Variants in LPGAT1 observed in about 807,000 individuals in gnomAD.
LPGAT1 encodes the protein acyl-CoA:lysophosphatidylglycerol acyltransferase 1.
In LPGAT1, 11 loss-of-function variants were observed where a neutral mutation model predicts 47.5. The observed-to-expected ratio is 0.23, with a 90% confidence interval of 0.15 to 0.38. LPGAT1 has a LOEUF of 0.38. Ranked by LOEUF, LPGAT1 falls within the 10% of genes least tolerant of loss-of-function variation. The pLI, the probability that LPGAT1 is intolerant of heterozygous loss-of-function variation, is 1.00. For synonymous variants in LPGAT1, 138 were observed against 144.2 expected (o/e 0.96, Z 0.31); for missense variants, 293 against 439.0 (o/e 0.67, Z 2.97).
Position 211,829,318 on chromosome 1 carries a change from G to C in LPGAT1, c.-22C>G, listed in dbSNP as rs779696382. The C allele has an allele frequency of 1.9e-6, 3 of 1,612,594 alleles. No individual in the cohort carries two copies. In the South Asian group the frequency reaches 3.3e-5, roughly 18 times the overall value. On this transcript the variant is annotated 5_prime_UTR_variant, in exon 2 of 8. Transcript: ENST00000366997. Reference sequence around the variant, plus strand: ...CCATTCTCACACTGGACTCCGTCCTGTCTTTCTGGGGTGAAAGAAAAATTC... The same window carrying C: ...CCATTCTCACACTGGACTCCGTCCTCTCTTTCTGGGGTGAAAGAAAAATTC...
chr1:211,776,005 C>T (rs1000033851), intron 6 of LPGAT1, among the ~76,000 whole-genome samples: 1 of 149,334 alleles, frequency 6.7e-6, no homozygotes, highest in Non-Finnish European at 1.5e-5. Context: ...TCCATAATAA[C>T]TGCCTTTTAA....
intron 3 of LPGAT1, among the ~76,000 whole-genome samples, chr1:211,789,047 T>A (rs181429208): frequency 2.6e-5 from 4 of 152,356 alleles, no homozygotes; most frequent in African/African-American, 9.6e-5. Flanking sequence ...AATCTTTTTT[T>A]AAAAATGAAG....
rs968529448 is a variant in LPGAT1, at chr1:211,744,550, A to G, written c.*5349T>C. On this transcript the variant is annotated 3_prime_UTR_variant, in exon 8 of 8. Coordinates refer to ENST00000366997, the MANE Select transcript of LPGAT1 (RefSeq NM_014873.3). ...GGTTGACTGTAGGAGTTGAGCAAAAAGCAATTAAGTATCCTTTTAAAAAAG... is the reference window on the plus strand; with the variant it reads ...GGTTGACTGTAGGAGTTGAGCAAAAGGCAATTAAGTATCCTTTTAAAAAAG... 3.3e-5 allele frequency: 5 copies of G among 152,244 alleles called. No individual in the cohort carries two copies. The highest frequency in any genetic ancestry group is 1.2e-4 in the African/African-American group (5 of 41,470). The allele number at this position is 152,244 out of a possible 1,614,324, so 9.4% of individuals were successfully genotyped here.
chr1:211,799,917 A>G (rs1659503951), intron 2 of LPGAT1, among the ~76,000 whole-genome samples: 1 of 152,164 alleles, frequency 6.6e-6, no homozygotes, highest in Non-Finnish European at 1.5e-5. Context: ...ACCTAAGACT[A>G]TCTTTCATTT....
At chr1:211,765,571 T>C (rs970215530) in intron 6 of LPGAT1, among the ~76,000 whole-genome samples, 2 of 152,216 alleles carry the variant, frequency 1.3e-5, no homozygotes, top group African/African-American at 4.8e-5. Context: ...AATGGCACTT[T>C]GCTAGACCTT....
At chr1:211,771,921 A>G (rs2102519446) in intron 6 of LPGAT1, among the ~76,000 whole-genome samples, 1 of 152,056 alleles carries the variant, frequency 6.6e-6, no homozygotes, top group South Asian at 2.1e-4. Context: ...AGTCTCCTAT[A>G]TTTTCTTCAA....
At chr1:211,762,513 ACTAATCC>A (rs966451766) in intron 6 of LPGAT1, among the ~76,000 whole-genome samples, 1 of 152,178 alleles carries the variant, frequency 6.6e-6, no homozygotes, top group African/African-American at 2.4e-5. Context: ...TATTAAAATG[ACTAATCC>A]CCTAATATGG....
chr1:211,829,024 TCTTATG>T (rs755829584), intron 2 of LPGAT1, 29 bp downstream of exon 2: 6 of 1,602,230 alleles, frequency 3.7e-6, no homozygotes, highest in Non-Finnish European at 5.1e-6. Context: ...ACAAATTTTT[TCTTATG>T]CATTAAAGAA....
At chr1:211,773,878 A>G (rs1658278745) in intron 6 of LPGAT1, among the ~76,000 whole-genome samples, 1 of 152,196 alleles carries the variant, frequency 6.6e-6, no homozygotes, top group African/African-American at 2.4e-5. Context: ...TAAAATAAGC[A>G]TTACTTTTGA....
chr1:211,795,587 C>A (rs890636332), intron 2 of LPGAT1, among the ~76,000 whole-genome samples: 3 of 152,100 alleles, frequency 2.0e-5, no homozygotes, highest in African/African-American at 7.2e-5. Context: ...GGCTGGTCTT[C>A]AACTCCCAAC....
Position 211,787,716 on chromosome 1 carries a change from C to G in LPGAT1, c.369G>C (p.Gln123His). 2 of 1,601,776 alleles carry G rather than the reference C, an allele frequency of 1.2e-6. No individual in the cohort carries two copies. Among genetic ancestry groups the G allele is most frequent in the Admixed American group, 1.7e-5 (1 of 58,162 alleles). ...CLQDKGLVVA[Q>H]MMWLMDHIFK... ...AAATATGATCCATCAACCACATCAT[C>G]TGAGCAACAACCTAAAATATTTAAA... Residue 123 changes from glutamine to histidine, a missense_variant, in exon 4 of 8, where the codon CAG becomes CAC. Gln to His is a conservative substitution (Grantham distance 24, BLOSUM62 0). Coordinates refer to ENST00000366997, the MANE Select transcript of LPGAT1 (RefSeq NM_014873.3).
chr1:211,802,607 CA>C (rs1659618244), intron 2 of LPGAT1, among the ~76,000 whole-genome samples: 1 of 151,742 alleles, frequency 6.6e-6, no homozygotes, highest in Admixed American at 6.6e-5. Flanking sequence ...GATAATCTTC[CA>C]AACACGAGAT....
intron 2 of LPGAT1, among the ~76,000 whole-genome samples, chr1:211,818,953 C>T (rs1660270538): frequency 6.6e-6 from 1 of 152,102 alleles, no homozygotes; most frequent in Admixed American, 6.6e-5. Context: ...TTCAACAGAC[C>T]TCAAAGAAAA....
chr1:211,749,933 T>C lies in LPGAT1; in HGVS notation c.1079A>G (p.Asn360Ser). The change falls in exon 8 of 8, where the codon AAC (asparagine) becomes AGC (serine). Residue 360 changes from asparagine to serine, a missense_variant. Coordinates refer to ENST00000366997, the MANE Select transcript of LPGAT1 (RefSeq NM_014873.3). The part of the protein sequence containing the change: ...FAFLSGYMWY[N>S]IIQYFYHCLF ...GCAATGGTAAAAATACTGAATGATG[T>C]TGTACCACATATAGCCTGACAAAAA... The C allele has an allele frequency of 1.2e-6, 2 of 1,614,134 alleles. No homozygotes were observed. Among genetic ancestry groups the C allele is most frequent in the Non-Finnish European group, 8.5e-7 (1 of 1,179,992 alleles).
At chr1:211,823,937 C>G (rs1456699965) in intron 2 of LPGAT1, among the ~76,000 whole-genome samples, 1 of 144,414 alleles carries the variant, frequency 6.9e-6, no homozygotes, top group Non-Finnish European at 1.5e-5. Context: ...GAGAATCTGT[C>G]TCTCAAAAAA....
chr1:211,756,720 C>G (rs1657470751), intron 6 of LPGAT1, among the ~76,000 whole-genome samples: 1 of 152,202 alleles, frequency 6.6e-6, no homozygotes, highest in South Asian at 2.1e-4. Flanking sequence ...AACACCTTTA[C>G]TCCTAAGTAA....
intron 6 of LPGAT1, among the ~76,000 whole-genome samples, chr1:211,775,144 A>G (rs947308084): frequency 6.6e-6 from 1 of 152,154 alleles, no homozygotes; most frequent in African/African-American, 2.4e-5. Flanking sequence ...AAGTGAAAGT[A>G]AATGTATTAT....
chr1:211,785,357 T>C (rs913668807), intron 4 of LPGAT1, among the ~76,000 whole-genome samples: 6 of 152,192 alleles, frequency 3.9e-5, no homozygotes, highest in African/African-American at 1.4e-4. Flanking sequence ...AGTAGCAAAG[T>C]CTCAAGAGAA....
chr1:211,827,975 C>T (rs923968347), intron 2 of LPGAT1, among the ~76,000 whole-genome samples: 2 of 152,222 alleles, frequency 1.3e-5, no homozygotes, highest in Non-Finnish European at 2.9e-5. Flanking sequence ...GTCTGTCAGA[C>T]TCCATAAAAG....
Sources: gnomAD v4.1 joint callset for allele counts (sites outside exome capture counted in the v4.1 genomes callset) on GRCh38, gnomAD v4.1.1 for gene constraint, MANE v1.5 for transcripts, NCBI Gene and HGNC (gene_info 2026-07-23, HGNC 2026-07-21) for gene names.